Variants in USP7 observed in about 807,000 individuals in gnomAD.
USP7 encodes ubiquitin specific peptidase 7, also known as ubiquitin C-terminal hydrolase 7.
A neutral mutation model predicts 162.9 loss-of-function variants in USP7; 9 were observed. The ratio of observed to expected loss-of-function variants is 0.06; its 90% confidence interval spans 0.03 to 0.10. The LOEUF (loss-of-function observed/expected upper bound fraction) is 0.10. USP7 is among the 10% of genes least tolerant of loss of function. The probability of loss-of-function intolerance (pLI) is 1.00; values close to 1 mark genes in which losing one functional copy is unlikely to be tolerated. For synonymous variants in USP7, 562 were observed against 475.9 expected (o/e 1.18, Z -2.35); for missense variants, 715 against 1,373.7 (o/e 0.52, Z 7.58).
chr16:8,936,483 TA>T, intron 1 of USP7: 1 of 1,273,194 alleles, frequency 7.9e-7, no homozygotes, highest in African/African-American at 1.5e-5. Context: ...TCTAGATGTA[TA>T]GCCCCAAATA....
At chr16:8,923,548 C>A in intron 2 of USP7, 135 bp from the exon 3 acceptor site, 3 of 917,700 alleles carry the variant, frequency 3.3e-6, no homozygotes, top group Non-Finnish European at 4.8e-6. Context: ...AAATTGCTTC[C>A]AATTTATTAA....
chr16:8,898,315 C>G (rs371858977), intron 25 of USP7, 45 bp downstream of exon 25: 3 of 1,452,342 alleles, frequency 2.1e-6, no homozygotes, highest in Non-Finnish European at 2.9e-6. Context: ...AAACAATAAG[C>G]AAGTTCCAAT....
At chr16:8,905,093 A>T (rs2061839125) in intron 14 of USP7, 94 bp downstream of exon 14, 2 of 1,482,624 alleles carry the variant, frequency 1.3e-6, no homozygotes, top group African/African-American at 2.8e-5. Context: ...ATAAGCATAA[A>T]ATGTGTTTGG....
At chr16:8,936,454 A>G (rs2141242594) in intron 1 of USP7, 1 of 965,774 alleles carries the variant, frequency 1.0e-6, no homozygotes, top group East Asian at 3.3e-5. Flanking sequence ...ATCTTTATAT[A>G]AATTTTACTG....
rs148672829 is a variant in USP7 at position 8,945,882 on chromosome 16, T to A, written c.80-15485A>T. On this transcript the variant is annotated intron_variant, in intron 1 of 30. Transcript: ENST00000344836. ...CCTGGGCAACATAGCGAGACCCCAC[T>A]TCCAAAAAAAAAGTAAAAATTAAAA... is the stretch of plus-strand genomic sequence containing the variant. 3.3e-5 allele frequency among the ~76,000 whole-genome samples: 5 copies of A among 151,278 alleles called. No individual in the cohort carries two copies. The South Asian group carries it at 1.0e-3, about 32-fold the overall frequency.
chr16:8,956,621 G>A (rs918771876), intron 1 of USP7, among the ~76,000 whole-genome samples: 6 of 152,052 alleles, frequency 3.9e-5, no homozygotes, highest in South Asian at 2.1e-4. Flanking sequence ...AAAATTAGCC[G>A]GGCATGGTAG....
At chr16:8,953,599 C>T (rs918935111) in intron 1 of USP7, among the ~76,000 whole-genome samples, 207 of 45,946 alleles carry the variant, frequency 4.5e-3, no homozygotes, top group Middle Eastern at 0.021. Flanking sequence ...GCGGCGCCAC[C>T]GGAAGCAGAG....
chr16:8,892,722 G>C lies in USP7; in HGVS notation c.*1276C>G, dbSNP rs1208309800. 1 of 151,808 alleles carries C rather than the reference G, an allele frequency of 6.6e-6. No homozygotes were observed. The highest frequency in any genetic ancestry group is 1.9e-4 in the East Asian group (1 of 5,170). 9.4% of individuals were successfully genotyped at this position (151,808 alleles called of 1,614,324 possible). On this transcript the variant is annotated 3_prime_UTR_variant, in exon 31 of 31. Coordinates refer to ENST00000344836, the MANE Select transcript of USP7 (RefSeq NM_003470.3). ...ACAAATGCCAAGGTTTCCCAGGCCT[G>C]TTTCCAGGGAGAGTAGAAATCTTCC...
intron 16 of USP7, among the ~76,000 whole-genome samples, chr16:8,902,755 A>G (rs950588275): frequency 1.3e-5 from 2 of 151,990 alleles, no homozygotes; most frequent in Non-Finnish European, 2.9e-5. Context: ...GGGCCTGGTG[A>G]CGGGTGCCTG....
intron 3 of USP7, 121 bp from the exon 4 acceptor site, chr16:8,921,416 G>A (rs1275389493): frequency 3.5e-5 from 41 of 1,185,932 alleles, no homozygotes; most frequent in Non-Finnish European, 4.6e-5. Context: ...CTCTCCTTTC[G>A]GGTTGGGGTT....
intron 5 of USP7, 70 bp downstream of exon 5, chr16:8,920,289 G>T: frequency 7.5e-7 from 1 of 1,327,598 alleles, no homozygotes; most frequent in Non-Finnish European, 1.1e-6. Context: ...TCTATTACAT[G>T]CACGCTAAAG....
chr16:8,894,113 G>A lies in USP7; in HGVS notation c.3203-9C>T. The stretch of plus-strand genomic sequence containing the variant: ...AGGATGAGACATATTACCTGGTGGG[G>A]ATGAAGAAAAGCAAGTGAGGCCACA... On this transcript the variant is annotated splice_polypyrimidine_tract_variant and intron_variant, in intron 30 of 30. Coordinates refer to ENST00000344836, the MANE Select transcript of USP7 (RefSeq NM_003470.3). The A allele has an allele frequency of 6.2e-7, 1 of 1,613,538 alleles. No individual in the cohort carries two copies. Among genetic ancestry groups the A allele is most frequent in the South Asian group, 1.1e-5 (1 of 91,064 alleles).
chr16:8,916,624 T>G (rs902045546), intron 7 of USP7, 68 bp from the exon 8 acceptor site: 1 of 1,480,056 alleles, frequency 6.8e-7, no homozygotes, highest in Non-Finnish European at 9.2e-7. Flanking sequence ...AAAAGTAACT[T>G]AGATTGAAAA....
At chr16:8,936,649 T>C (rs1467937299) in intron 1 of USP7, 1 of 1,553,778 alleles carries the variant, frequency 6.4e-7, no homozygotes, top group South Asian at 1.2e-5. Context: ...TGCTGGGGGA[T>C]GGGGGAGGTT....
chr16:8,896,271 T>G (rs910744514), intron 26 of USP7, among the ~76,000 whole-genome samples: 5 of 151,880 alleles, frequency 3.3e-5, no homozygotes, highest in African/African-American at 9.7e-5. Context: ...ATGGCCACAT[T>G]TGGGCACAGA....
intron 1 of USP7, among the ~76,000 whole-genome samples, chr16:8,943,820 G>A (rs1463286425): frequency 6.6e-6 from 1 of 152,144 alleles, no homozygotes; most frequent in African/African-American, 2.4e-5. Context: ...ATTCACGCTG[G>A]GGGATAAACA....
At position 8,924,478 on chromosome 16, in the gene USP7, G is replaced by A. The variant is rs1897882706; in HGVS notation, c.185-1065C>T. Among the ~76,000 whole-genome samples, 6 of 152,378 alleles carry A rather than the reference G, an allele frequency of 3.9e-5. No individual in the cohort carries two copies. The South Asian group carries it at 1.0e-3, about 26-fold the overall frequency. ...AAGCTCTACAGGCAGTGCCTGGAAG[G>A]CTGTTCCCGGCTTAGAATCAGGTGC... On this transcript the variant is annotated intron_variant, in intron 2 of 30. Transcript: ENST00000344836.
At chr16:8,923,999 G>T (rs575344468) in intron 2 of USP7, among the ~76,000 whole-genome samples, 1 of 151,942 alleles carries the variant, frequency 6.6e-6, no homozygotes, top group East Asian at 1.9e-4. Context: ...ACACCCTAGG[G>T]GGAATAATTT....
chr16:8,940,749 TCTCCTA>T (rs1482865003), intron 1 of USP7, among the ~76,000 whole-genome samples: 1 of 152,088 alleles, frequency 6.6e-6, no homozygotes, highest in Non-Finnish European at 1.5e-5. Context: ...CTGCGAGGCC[TCTCCTA>T]GGTGAAGCTC....
Sources: gnomAD v4.1 joint callset for allele counts (sites outside exome capture counted in the v4.1 genomes callset) on GRCh38, gnomAD v4.1.1 for gene constraint, MANE v1.5 for transcripts, NCBI Gene and HGNC (gene_info 2026-07-23, HGNC 2026-07-21) for gene names.